Variants in TRAPPC9 observed in about 807,000 individuals in gnomAD.
TRAPPC9 encodes trafficking protein particle complex subunit 9.
Under a neutral mutation model 124.0 loss-of-function variants are expected in TRAPPC9, and 83 were observed. The ratio of observed to expected loss-of-function variants is 0.67; its 90% confidence interval spans 0.56 to 0.80. The LOEUF is 0.80. Ranked by LOEUF, TRAPPC9 falls within the 30% of genes least tolerant of loss-of-function variation. The pLI is 0.00. For missense variants in TRAPPC9, 1,302 were observed against 1,508.3 expected (o/e 0.86, Z 2.27); for synonymous variants, 638 against 617.5 (o/e 1.03, Z -0.49).
intron 17 of TRAPPC9, among the ~76,000 whole-genome samples, chr8:140,065,260 G>T (rs749178789): frequency 5.3e-5 from 8 of 152,206 alleles, no homozygotes; most frequent in Non-Finnish European, 1.0e-4. Context: ...GCAGAGGTTG[G>T]TTCATGAGGT....
At chr8:139,956,987 GC>G (rs1284151105) in intron 19 of TRAPPC9, among the ~76,000 whole-genome samples, 1 of 152,278 alleles carries the variant, frequency 6.6e-6, no homozygotes, top group Non-Finnish European at 1.5e-5. Flanking sequence ...CTGCCTTCGA[GC>G]GGGAGGGACA....
chr8:139,907,184 G>A lies in TRAPPC9; in HGVS notation c.2964+2963C>T, dbSNP rs1831414143. On this transcript the variant is annotated intron_variant, in intron 20 of 22. Coordinates refer to ENST00000438773, the MANE Select transcript of TRAPPC9 (RefSeq NM_001160372.4). This position sits in a 1 kb window ranked among gnomAD's most constrained non-coding sequence, Gnocchi z 4.7. ...GTGAAGAGTGGGGTGAGAGCTCCCG[G>A]CAGCCCTGGGCTGCCCATCGTGTCA... Among the ~76,000 whole-genome samples the A allele has an allele frequency of 6.6e-6, 1 of 152,048 alleles. No individual in the cohort carries two copies. The highest frequency in any genetic ancestry group is 6.5e-5 in the Admixed American group (1 of 15,268).
At chr8:139,865,114 C>A (rs760166778) in intron 21 of TRAPPC9, among the ~76,000 whole-genome samples, 1 of 152,154 alleles carries the variant, frequency 6.6e-6, no homozygotes, top group Non-Finnish European at 1.5e-5. Context: ...CTCAAGGAGG[C>A]CCAGCAAAAG....
At chr8:140,315,233 C>CTTTTTT (rs61220260) in intron 9 of TRAPPC9, among the ~76,000 whole-genome samples, 5 of 107,158 alleles carry the variant, frequency 4.7e-5, no homozygotes, top group African/African-American at 7.0e-5. Flanking sequence ...ATTTGTATGT[C>CTTTTTT]TTTTTTTTTT....
At chr8:140,194,839 AC>A in intron 17 of TRAPPC9, among the ~76,000 whole-genome samples, 3 of 152,040 alleles carry the variant, frequency 2.0e-5, no homozygotes, top group Non-Finnish European at 4.4e-5. Flanking sequence ...CACACCTCTG[AC>A]CACTAAAACA....
chr8:139,795,274 G>A (rs545077618), intron 21 of TRAPPC9, among the ~76,000 whole-genome samples: 33 of 152,118 alleles, frequency 2.2e-4, no homozygotes, highest in South Asian at 4.2e-4. Context: ...AGACAATTAC[G>A]GTGAGAGGAA....
At chr8:140,284,672 T>C (rs1156650717) in intron 13 of TRAPPC9, among the ~76,000 whole-genome samples, 1 of 152,180 alleles carries the variant, frequency 6.6e-6, no homozygotes, top group Non-Finnish European at 1.5e-5. Context: ...TGTAACAAAA[T>C]TAAACAATAC....
At chr8:140,161,699 T>C (rs1017307213) in intron 17 of TRAPPC9, among the ~76,000 whole-genome samples, 1 of 151,890 alleles carries the variant, frequency 6.6e-6, no homozygotes, top group African/African-American at 2.4e-5. Flanking sequence ...GATTTCAAGT[T>C]AGGGATGCCC....
chr8:140,337,285 C>T (rs534308656), intron 9 of TRAPPC9, among the ~76,000 whole-genome samples: 25 of 152,270 alleles, frequency 1.6e-4, no homozygotes, highest in African/African-American at 5.5e-4. Context: ...AGGCCCAGCA[C>T]ACAAGAGGTG....
intron 19 of TRAPPC9, among the ~76,000 whole-genome samples, chr8:139,934,969 A>C (rs1833418949): frequency 6.6e-6 from 1 of 152,198 alleles, no homozygotes; most frequent in Non-Finnish European, 1.5e-5. Flanking sequence ...TGTTGTGAGA[A>C]TTAGGCAAGA....
chr8:139,749,306 T>G (rs2130181137), intron 21 of TRAPPC9, among the ~76,000 whole-genome samples: 1 of 152,272 alleles, frequency 6.6e-6, no homozygotes, highest in Admixed American at 6.5e-5. Context: ...TCTCCTGAGC[T>G]CCTGGGGGAC....
chr8:140,314,558 T>G (rs969923336), intron 9 of TRAPPC9, among the ~76,000 whole-genome samples: 7 of 152,202 alleles, frequency 4.6e-5, no homozygotes, highest in Admixed American at 3.9e-4. Context: ...TTCTCCTAAC[T>G]AGAGCATTGT....
At chr8:139,789,682 G>A (rs993739364) in intron 21 of TRAPPC9, among the ~76,000 whole-genome samples, 3 of 152,176 alleles carry the variant, frequency 2.0e-5, no homozygotes, top group Admixed American at 6.5e-5. Flanking sequence ...TTGCTCCCGA[G>A]TGCCCTGTGC....
chr8:140,364,435 T>C (rs1019461903), intron 8 of TRAPPC9, among the ~76,000 whole-genome samples: 2 of 151,774 alleles, frequency 1.3e-5, no homozygotes, highest in Admixed American at 6.6e-5. Context: ...TACAAAGCAA[T>C]AGTGTGATTG....
chr8:139,882,995 C>G (rs890573544), intron 21 of TRAPPC9, among the ~76,000 whole-genome samples: 3 of 152,202 alleles, frequency 2.0e-5, no homozygotes, highest in East Asian at 1.9e-4. Flanking sequence ...CCAAAACTCA[C>G]GTTGAAACTT....
At chr8:139,996,611 A>G (rs1336479127) in intron 18 of TRAPPC9, among the ~76,000 whole-genome samples, 3 of 152,250 alleles carry the variant, frequency 2.0e-5, no homozygotes, top group Admixed American at 6.5e-5. Context: ...AGACTAAGAA[A>G]CAAAGAAGAA....
intron 17 of TRAPPC9, among the ~76,000 whole-genome samples, chr8:140,184,716 G>A (rs1388532122): frequency 6.6e-6 from 1 of 152,144 alleles, no homozygotes; most frequent in Non-Finnish European, 1.5e-5. Flanking sequence ...CCAAAGTGCT[G>A]GCATTACAAG....
At chr8:140,246,070 C>T (rs1467423884) in intron 16 of TRAPPC9, among the ~76,000 whole-genome samples, 1 of 152,184 alleles carries the variant, frequency 6.6e-6, no homozygotes. Flanking sequence ...TTACCATTTT[C>T]AAAATGATAA....
chr8:140,227,231 G>A (rs1487075573), intron 16 of TRAPPC9, among the ~76,000 whole-genome samples: 3 of 152,032 alleles, frequency 2.0e-5, no homozygotes, highest in African/African-American at 7.2e-5. Flanking sequence ...GCCTGGGAAG[G>A]ATCTCTCTCC....
Sources: gnomAD v4.1 joint callset for allele counts (sites outside exome capture counted in the v4.1 genomes callset) on GRCh38, gnomAD v4.1.1 for gene constraint, Gnocchi (gnomAD v3.1) non-coding constraint, MANE v1.5 for transcripts, NCBI Gene and HGNC (gene_info 2026-07-23, HGNC 2026-07-21) for gene names.